RGPD4: variants seen among roughly 807,000 people sequenced by gnomAD.
RGPD4 encodes the protein RANBP2 like and GRIP domain containing 4.
Under a neutral mutation model 141.1 loss-of-function variants are expected in RGPD4, and 84 were observed. That is an observed-to-expected ratio of 0.60 (90% CI 0.50 to 0.71). RGPD4 has a LOEUF of 0.71. RGPD4 is among the 30% of genes least tolerant of loss of function. The probability of loss-of-function intolerance (pLI) is 0.00; values close to 1 mark genes in which losing one functional copy is unlikely to be tolerated. For synonymous variants in RGPD4, 298 were observed against 566.8 expected (o/e 0.53, Z 6.74); for missense variants, 918 against 1,622.4 (o/e 0.57, Z 7.46).
intron 9 of RGPD4, among the ~76,000 whole-genome samples, chr2:107,857,762 C>A (rs866094366): frequency 6.6e-6 from 1 of 151,470 alleles, no homozygotes; most frequent in Non-Finnish European, 1.5e-5. Flanking sequence ...GAGGCCGAGG[C>A]GGGCAGATCA....
intron 1 of RGPD4, among the ~76,000 whole-genome samples, chr2:107,834,526 C>T (rs1193106414): frequency 2.0e-5 from 3 of 152,110 alleles, no homozygotes; most frequent in African/African-American, 7.2e-5. Flanking sequence ...GTATGTGCTC[C>T]CCACCCGCTA....
Position 107,871,330 on chromosome 2 carries a change from G to A in RGPD4, c.3326G>A (p.Cys1109Tyr). ...LMRREQVLKVCANHWITTTMN... is the reference protein window; with the variant it reads ...LMRREQVLKVYANHWITTTMN... ...CGAAGAGAACAAGTACTAAAAGTGTGTGCTAATCATTGGATAACGACTACA... is the reference window on the plus strand; with the variant it reads ...CGAAGAGAACAAGTACTAAAAGTGTATGCTAATCATTGGATAACGACTACA... Residue 1109 changes from cysteine (C) to tyrosine (Y), a missense_variant, in exon 20 of 23, where the codon TGT becomes TAT. Physicochemically the swap from Cys to Tyr is radical, Grantham distance 194. Transcript: ENST00000408999. 6.3e-7 allele frequency: 1 copy of A among 1,598,866 alleles called. No homozygotes were observed. The highest frequency in any genetic ancestry group is 2.2e-5 in the East Asian group (1 of 44,802).
chr2:107,890,576 A>AAACAC (rs1675628273), intron 22 of RGPD4, 145 bp from the exon 23 acceptor site: 2 of 88,404 alleles, frequency 2.3e-5, no homozygotes, highest in Non-Finnish European at 2.1e-5. Context: ...AAAAAAAAGA[A>AAACAC]CCCCCCCCCC....
intron 22 of RGPD4, among the ~76,000 whole-genome samples, chr2:107,883,355 G>A (rs1303381791): frequency 6.6e-6 from 1 of 151,600 alleles, no homozygotes; most frequent in Non-Finnish European, 1.5e-5. Flanking sequence ...CATAGGCCAG[G>A]CGCTGGTGGT....
intron 7 of RGPD4, among the ~76,000 whole-genome samples, chr2:107,854,284 G>A (rs965267081): frequency 6.7e-6 from 1 of 149,540 alleles, no homozygotes; most frequent in Non-Finnish European, 1.5e-5. Context: ...GGCTGGTCTC[G>A]AACTCCTGAC....
rs373037044 is a variant in RGPD4, at chr2:107,827,035, G to A, written c.22G>A (p.Gly8Arg). The A allele has an allele frequency of 4.8e-4, 766 of 1,599,690 alleles. 4 individuals carry two copies. The African/African-American group carries it at 8.4e-3, about 18-fold the overall frequency. The change falls in exon 1 of 23, where the codon GGG becomes AGG. Residue 8 changes from glycine (G) to arginine (R), a missense_variant. Physicochemically the swap from Gly to Arg is moderately radical, Grantham distance 125. Coordinates refer to ENST00000408999, the MANE Select transcript of RGPD4 (RefSeq NM_182588.3). ...CGCGATGAGTTGCAGCAAGGCCTAC[G>A]GGGAGCGGTACGTCGCCTCCGTGCA... Reference protein sequence around the residue: MSCSKAYGERYVASVQGS... With the variant: MSCSKAYRERYVASVQGS...
At chr2:107,856,090 G>C (rs1682298700) in intron 8 of RGPD4, among the ~76,000 whole-genome samples, 1 of 123,008 alleles carries the variant, frequency 8.1e-6, no homozygotes, top group Non-Finnish European at 1.6e-5. Context: ...GTCTTACTCT[G>C]TCGCCCGGGC....
chr2:107,876,805 C>A (rs1245534481), intron 20 of RGPD4, among the ~76,000 whole-genome samples: 1 of 151,908 alleles, frequency 6.6e-6, no homozygotes. Flanking sequence ...AAGTAATCAG[C>A]CAGGGCAAAG....
intron 6 of RGPD4, among the ~76,000 whole-genome samples, chr2:107,844,823 C>CTTTCTTTTTTTTT (rs1681859004): frequency 1.9e-5 from 1 of 53,852 alleles, no homozygotes; most frequent in Admixed American, 1.8e-4. Context: ...TTCTTTCTTT[C>CTTTCTTTTTTTTT]TTTTTTGTTT....
At chr2:107,857,723 G>A (rs1275642079) in intron 9 of RGPD4, among the ~76,000 whole-genome samples, 5 of 151,820 alleles carry the variant, frequency 3.3e-5, no homozygotes, top group Admixed American at 2.6e-4. Context: ...CTGACACAGT[G>A]GCTCATATCT....
rs536569481 is a variant in RGPD4, at chr2:107,846,319, G to C, written c.783-2022G>C. 4.9e-3 allele frequency among the ~76,000 whole-genome samples: 748 copies of C among 151,744 alleles called. 8 individuals are homozygous for C. The highest frequency in any genetic ancestry group is 0.017 in the African/African-American group (681 of 41,250). Reference sequence around the variant, plus strand: ...TTGACATCGTGATCCGCCTGCCTTGGCCTTCCAAAGTGCTGGGATTGCAGG... The same window carrying C: ...TTGACATCGTGATCCGCCTGCCTTGCCCTTCCAAAGTGCTGGGATTGCAGG... On this transcript the variant is annotated intron_variant, in intron 6 of 22. Transcript: ENST00000408999.
chr2:107,838,824 T>C lies in RGPD4; in HGVS notation c.265T>C (p.Leu89=). 2.4e-6 allele frequency: 2 copies of C among 817,860 alleles called. 1 individual carries two copies. Among genetic ancestry groups the C allele is most frequent in the Non-Finnish European group, 3.3e-6 (2 of 601,406 alleles). The allele number at this position is 817,860 out of a possible 1,614,324, so 50.7% of individuals were successfully genotyped here. The part of the protein sequence containing the change: ...AVECYRRSVE[L]NPTQKDLVLK... ...TTTCTGATATTAGCGTTCAGTGGAA[T>C]TAAACCCAACACAAAAAGATCTGGT... Residue 89 remains leucine, a synonymous_variant, in exon 4 of 23, where the codon TTA becomes CTA. Transcript: ENST00000408999.
At chr2:107,844,529 C>T (rs1419830818) in intron 6 of RGPD4, among the ~76,000 whole-genome samples, 1 of 151,714 alleles carries the variant, frequency 6.6e-6, no homozygotes, top group African/African-American at 2.4e-5. Context: ...TTAGGCTGTC[C>T]ATTTGTTTGG....
At chr2:107,830,489 G>A (rs556272580) in intron 1 of RGPD4, among the ~76,000 whole-genome samples, 22 of 152,236 alleles carry the variant, frequency 1.4e-4, no homozygotes, top group East Asian at 1.2e-3. Context: ...AAGTGGAGTG[G>A]TGGCAACATT....
intron 22 of RGPD4, among the ~76,000 whole-genome samples, chr2:107,884,245 G>A (rs1445493968): frequency 1.0e-3 from 147 of 147,236 alleles, no homozygotes; most frequent in Non-Finnish European, 1.6e-3. Context: ...CAAGTAGCTG[G>A]GACTACAGAT....
intron 9 of RGPD4, among the ~76,000 whole-genome samples, chr2:107,858,469 CA>C (rs1682415632): frequency 8.8e-6 from 1 of 113,060 alleles, no homozygotes; most frequent in South Asian, 2.7e-4. Context: ...GACAGAGTCT[CA>C]CTCTGTCACC....
intron 11 of RGPD4, 42 bp downstream of exon 11, chr2:107,859,596 G>T (rs1682465498): frequency 6.2e-7 from 1 of 1,611,300 alleles, no homozygotes; most frequent in Admixed American, 1.7e-5. Context: ...TTAGTGCGTA[G>T]GTTTTACCAG....
intron 1 of RGPD4, among the ~76,000 whole-genome samples, chr2:107,831,549 G>T (rs1573461147): frequency 9.1e-6 from 1 of 109,340 alleles, no homozygotes. Flanking sequence ...TCCCATTTTA[G>T]ACATTTTCTT....
chr2:107,872,770 C>T lies in RGPD4; in HGVS notation c.4766C>T (p.Ala1589Val), dbSNP rs747351398. 9.3e-6 allele frequency: 15 copies of T among 1,611,172 alleles called. No individual in the cohort carries two copies. In the African/African-American group the frequency reaches 1.7e-4, roughly 19 times the overall value. ...AACAACAGTGAAACTAGTTCAGTAG[C>T]CCAGAGTGGATCTGAAAGCAAAGTG... ...KSNNSETSSVAQSGSESKVEP... is the reference protein window; with the variant it reads ...KSNNSETSSVVQSGSESKVEP... The change falls in exon 20 of 23, where the codon GCC becomes GTC. Residue 1589 changes from alanine (A) to valine (V), a missense_variant. Physicochemically the swap from Ala to Val is moderately conservative, Grantham distance 64. Transcript: ENST00000408999.
Sources: allele counts gnomAD v4.1 joint callset (sites outside exome capture counted in the v4.1 genomes callset), GRCh38; gene constraint gnomAD v4.1.1; transcripts MANE v1.5; gene names NCBI Gene and HGNC (gene_info 2026-07-23, HGNC 2026-07-21).